The following MS4A4E variants were observed in gnomAD, a reference collection of about 807,000 sequenced individuals.
The protein encoded by MS4A4E is putative membrane-spanning 4-domains subfamily A member 4E.
A neutral mutation model predicts 13.3 loss-of-function variants in MS4A4E; 23 were observed. The ratio of observed to expected loss-of-function variants is 1.73; its 90% confidence interval spans 1.25 to 2.45. The LOEUF (loss-of-function observed/expected upper bound fraction) is 2.45, where lower values mean the gene tolerates loss of function less well. Among genes scored for constraint, MS4A4E ranks in the 30% most tolerant of loss-of-function variants. The pLI, the probability that MS4A4E is intolerant of heterozygous loss-of-function variation, is 0.00. For synonymous variants in MS4A4E, 36 were observed against 45.6 expected (o/e 0.79, Z 0.85); for missense variants, 144 against 131.2 (o/e 1.10, Z -0.48).
Position 60,208,621 on chromosome 11 carries a change from C to T in MS4A4E, c.455G>A (p.Cys152Tyr), listed in dbSNP as rs1204235620. 1.0e-5 allele frequency: 15 copies of T among 1,453,340 alleles called. No individual in the cohort carries two copies. The highest frequency in any genetic ancestry group is 1.4e-5 in the African/African-American group (1 of 72,416). The allele number at this position is 1,453,340 out of a possible 1,614,324, so 90.0% of individuals were successfully genotyped here. Residue 152 changes from cysteine (C) to tyrosine (Y), a missense_variant, in exon 6 of 9, where the codon TGT becomes TAT. Physicochemically the swap from Cys to Tyr is radical, Grantham distance 194 (BLOSUM62 -2). This residue lies in a region of MS4A4E where 21 missense variants were observed against 25.1 expected (regional missense o/e 0.84). Transcript: ENST00000651255. The stretch of plus-strand genomic sequence containing the variant: ...ACTGGGGCTACAACAAAGCACTTTA[C>T]ATCCAAAGGCAGAGAGGGCCACAGC... ...CIAVALSAFG[C>Y]KVLCCSPSES...
intron 1 of MS4A4E, among the ~76,000 whole-genome samples, chr11:60,239,333 A>G (rs975550338): frequency 1.3e-5 from 2 of 152,152 alleles, no homozygotes; most frequent in African/African-American, 4.8e-5. Flanking sequence ...CTACCTATTG[A>G]CTATTATTAT....
chr11:60,232,918 C>T (rs190914468), intron 1 of MS4A4E, among the ~76,000 whole-genome samples: 6 of 152,268 alleles, frequency 3.9e-5, no homozygotes, highest in Non-Finnish European at 5.9e-5. Flanking sequence ...CCATCTTAGT[C>T]GCTGGTGCAC....
chr11:60,225,040 C>T (rs1350499963), intron 3 of MS4A4E: 3 of 1,566,738 alleles, frequency 1.9e-6, no homozygotes, highest in Non-Finnish European at 2.6e-6. Context: ...ATGCAACACA[C>T]ATCATTATTA....
At chr11:60,210,232 ACATAG>A (rs1211878575) in intron 5 of MS4A4E, among the ~76,000 whole-genome samples, 1 of 152,248 alleles carries the variant, frequency 6.6e-6, no homozygotes, top group Non-Finnish European at 1.5e-5. Flanking sequence ...ACTTCCAAAA[ACATAG>A]CATGTATATA....
intron 5 of MS4A4E, among the ~76,000 whole-genome samples, chr11:60,209,379 C>A (rs2084090738): frequency 6.6e-6 from 1 of 152,172 alleles, no homozygotes; most frequent in African/African-American, 2.4e-5. Flanking sequence ...GAAAGGTAGG[C>A]AGCCTACAGA....
chr11:60,229,948 T>C lies in MS4A4E; in HGVS notation c.108A>G (p.Gln36=). The part of the protein sequence containing the change: ...VIHSYLCKGL[Q]EKFFKRKPKV... ...TGGGTTTCCTCTTGAAGAACTTCTCTTGCAATCCTTTACACAGATATGAAT... is the reference window on the plus strand; with the variant it reads ...TGGGTTTCCTCTTGAAGAACTTCTCCTGCAATCCTTTACACAGATATGAAT... The change falls in exon 2 of 9, where the codon CAA becomes CAG. Residue 36 remains glutamine, a synonymous_variant. Coordinates refer to ENST00000651255, the MANE Select transcript of MS4A4E (RefSeq NM_001393391.1). The C allele has an allele frequency of 3.1e-6, 5 of 1,612,608 alleles. No individual in the cohort carries two copies. The highest frequency in any genetic ancestry group is 1.1e-5 in the South Asian group (1 of 90,828).
At chr11:60,241,866 G>C (rs1169796043) in intron 1 of MS4A4E, among the ~76,000 whole-genome samples, 1 of 151,662 alleles carries the variant, frequency 6.6e-6, no homozygotes, top group Non-Finnish European at 1.5e-5. Context: ...TGTCTTCCCC[G>C]CCCCTCCTCC....
chr11:60,234,632 T>C (rs569654389), intron 1 of MS4A4E, among the ~76,000 whole-genome samples: 1 of 152,190 alleles, frequency 6.6e-6, no homozygotes, highest in Non-Finnish European at 1.5e-5. Context: ...GCCCTTAGAC[T>C]TCCCAGCCTC....
intron 1 of MS4A4E, among the ~76,000 whole-genome samples, chr11:60,233,109 G>T (rs146516271): frequency 2.0e-5 from 3 of 152,178 alleles, no homozygotes; most frequent in Admixed American, 1.3e-4. Context: ...GGTCATTTCT[G>T]CACCTGCTCC....
Position 60,214,615 on chromosome 11 carries a change from C to A in MS4A4E, c.179-1G>T. The A allele has an allele frequency of 6.6e-7, 1 of 1,518,858 alleles. No individual in the cohort carries two copies. Among genetic ancestry groups the A allele is most frequent in the Non-Finnish European group, 8.8e-7 (1 of 1,137,304 alleles). The allele number at this position is 1,518,858 out of a possible 1,614,324, so 94.1% of individuals were successfully genotyped here. A position where few individuals can be genotyped will look rare whatever the true frequency, so the allele number is the denominator to read the frequency against. Reference sequence around the variant, plus strand: ...ATTCCTGCTGCAACTGATAAGGATACTGAAATAATAAAATAAGAATGAGAG... The same window carrying A: ...ATTCCTGCTGCAACTGATAAGGATAATGAAATAATAAAATAAGAATGAGAG... On this transcript the variant is annotated splice_acceptor_variant, in intron 3 of 8. Transcript: ENST00000651255. LOFTEE classifies it high-confidence loss of function.
At chr11:60,216,057 C>A (rs984215671) in intron 3 of MS4A4E, among the ~76,000 whole-genome samples, 23 of 152,072 alleles carry the variant, frequency 1.5e-4, no homozygotes, top group African/African-American at 4.8e-4. Flanking sequence ...TTACAGCTGG[C>A]TCTTGGTACT....
Position 60,201,537 on chromosome 11 carries a change from C to G in MS4A4E, c.*6G>C, listed in dbSNP as rs1023061862. On this transcript the variant is annotated 3_prime_UTR_variant, in exon 9 of 9. Coordinates refer to ENST00000651255, the MANE Select transcript of MS4A4E (RefSeq NM_001393391.1). ...AGGGCGGTGGGGCAAAGGCGCTCCCCACATCTCAGAAGATGGGCGGCCGGG... is the reference window on the plus strand; with the variant it reads ...AGGGCGGTGGGGCAAAGGCGCTCCCGACATCTCAGAAGATGGGCGGCCGGG... The G allele has an allele frequency of 1.3e-5, 4 of 300,162 alleles. No homozygotes were observed. Among genetic ancestry groups the G allele is most frequent in the Non-Finnish European group, 2.7e-5 (4 of 149,520 alleles). The allele number at this position is 300,162 out of a possible 1,614,324, so 18.6% of individuals were successfully genotyped here.
chr11:60,207,083 C>T (rs550779943), intron 6 of MS4A4E, among the ~76,000 whole-genome samples: 10 of 152,224 alleles, frequency 6.6e-5, no homozygotes, highest in African/African-American at 2.4e-4. Flanking sequence ...CTGATGACAT[C>T]AACATACCCA....
intron 3 of MS4A4E, among the ~76,000 whole-genome samples, chr11:60,218,448 T>C (rs916388616): frequency 8.5e-5 from 13 of 152,320 alleles, no homozygotes; most frequent in African/African-American, 3.1e-4. Flanking sequence ...TTACTGGTTT[T>C]TGCAGCTTGT....
intron 3 of MS4A4E, among the ~76,000 whole-genome samples, chr11:60,221,353 T>A (rs552788706): frequency 3.3e-5 from 5 of 152,200 alleles, no homozygotes; most frequent in Non-Finnish European, 4.4e-5. Context: ...GTAAGTTATA[T>A]GAGGAAGTGG....
In MS4A4E at chr11:60,214,327, C is replaced by T. The variant is rs1001318900; in HGVS notation, c.222+244G>A. ...TGAGTGATCCCACTTCATATTTGTT[C>T]TAAATAATTTTCCATATCTTCATAA... is the stretch of plus-strand genomic sequence containing the variant. On this transcript the variant is annotated intron_variant, in intron 4 of 8. Coordinates refer to ENST00000651255, the MANE Select transcript of MS4A4E (RefSeq NM_001393391.1). 2.6e-5 allele frequency among the ~76,000 whole-genome samples: 4 copies of T among 152,242 alleles called. No individual in the cohort carries two copies. The Middle Eastern group carries it at 0.014, about 518-fold the overall frequency.
intron 1 of MS4A4E, among the ~76,000 whole-genome samples, chr11:60,240,678 T>C (rs1019671): frequency 0.34 from 51,181 of 152,070 alleles, 9,407 homozygotes; most frequent in South Asian, 0.51. Context: ...AGTAATTTCA[T>C]TCCTATATTG....
At chr11:60,232,627 C>A (rs2084426744) in intron 1 of MS4A4E, among the ~76,000 whole-genome samples, 1 of 151,980 alleles carries the variant, frequency 6.6e-6, no homozygotes, top group South Asian at 2.1e-4. Context: ...GCTCAGCTGA[C>A]AGAGCTACCT....
At chr11:60,233,100 G>A (rs549472986) in intron 1 of MS4A4E, among the ~76,000 whole-genome samples, 2 of 152,180 alleles carry the variant, frequency 1.3e-5, no homozygotes, top group South Asian at 2.1e-4. Flanking sequence ...TCCCCAGGGG[G>A]TCATTTCTGC....
Sources: allele counts gnomAD v4.1 joint callset (sites outside exome capture counted in the v4.1 genomes callset), GRCh38; gene constraint gnomAD v4.1.1; regional missense constraint gnomAD v4.1.1; transcripts MANE v1.5; gene names NCBI Gene and HGNC (gene_info 2026-07-23, HGNC 2026-07-21).